The following ANKS1B variants were observed in gnomAD, a reference collection of about 807,000 sequenced individuals.
The protein encoded by ANKS1B is ankyrin repeat and sterile alpha motif domain-containing protein 1B.
ANKS1B carries 36 observed loss-of-function variants against 148.3 expected under a neutral mutation model. The observed-to-expected ratio is 0.24, with a 90% CI of 0.19 to 0.32. The LOEUF (loss-of-function observed/expected upper bound fraction) is 0.32, where lower values mean the gene tolerates loss of function less well. ANKS1B is among the 10% of genes least tolerant of loss of function. ANKS1B has a pLI of 1.00. For missense variants in ANKS1B, 1,157 were observed against 1,542.6 expected (o/e 0.75, Z 4.19); for synonymous variants, 542 against 560.8 (o/e 0.97, Z 0.47).
chr12:99,615,086 T>C (rs1236522385), intron 9 of ANKS1B, among the ~76,000 whole-genome samples: 1 of 152,140 alleles, frequency 6.6e-6, no homozygotes, highest in Non-Finnish European at 1.5e-5. Flanking sequence ...TGGGAAATTT[T>C]GAAAAATGCT....
chr12:99,724,115 T>A (rs2058382389), intron 8 of ANKS1B, among the ~76,000 whole-genome samples: 1 of 151,122 alleles, frequency 6.6e-6, no homozygotes, highest in Non-Finnish European at 1.5e-5. Flanking sequence ...ATGATTGCAA[T>A]GCCGCTCCAG....
chr12:99,259,866 C>G (rs771717994), intron 12 of ANKS1B, among the ~76,000 whole-genome samples: 2 of 152,114 alleles, frequency 1.3e-5, no homozygotes, highest in Non-Finnish European at 1.5e-5. Context: ...CTCTGCCTCC[C>G]TAGGGAGTTA....
intron 12 of ANKS1B, among the ~76,000 whole-genome samples, chr12:99,346,110 T>C (rs946926862): frequency 3.3e-5 from 5 of 152,014 alleles, no homozygotes; most frequent in Non-Finnish European, 7.4e-5. Flanking sequence ...CCTCCAAAGA[T>C]ATCCAATTTA....
intron 17 of ANKS1B, among the ~76,000 whole-genome samples, chr12:98,957,788 G>C (rs1207112383): frequency 6.6e-6 from 1 of 152,070 alleles, no homozygotes; most frequent in Non-Finnish European, 1.5e-5. Context: ...GTAGCTTGTG[G>C]GGGACTGATA....
chr12:99,889,437 T>G (rs1255639804), intron 1 of ANKS1B, among the ~76,000 whole-genome samples: 1 of 152,198 alleles, frequency 6.6e-6, no homozygotes, highest in East Asian at 1.9e-4. Context: ...GCATCTTTTT[T>G]TGCATATATG....
At chr12:99,896,131 G>C (rs78291034) in intron 1 of ANKS1B, among the ~76,000 whole-genome samples, 1 of 151,062 alleles carries the variant, frequency 6.6e-6, no homozygotes, top group African/African-American at 2.4e-5. Context: ...CACATTTCCA[G>C]TATACAATAT....
At chr12:99,353,335 T>C (rs530967515) in intron 12 of ANKS1B, among the ~76,000 whole-genome samples, 55 of 152,142 alleles carry the variant, frequency 3.6e-4, no homozygotes, top group African/African-American at 1.2e-3. Flanking sequence ...ATGTGTGTGT[T>C]GTCTGTAAAA....
chr12:99,853,672 A>G (rs1460028355), intron 1 of ANKS1B, among the ~76,000 whole-genome samples: 1 of 152,026 alleles, frequency 6.6e-6, no homozygotes, highest in East Asian at 1.9e-4. Context: ...GTTCTTTAAC[A>G]CCCCCAAAAG....
At chr12:98,824,222 T>C (rs2099227220) in intron 19 of ANKS1B, among the ~76,000 whole-genome samples, 1 of 152,242 alleles carries the variant, frequency 6.6e-6, no homozygotes, top group South Asian at 2.1e-4. Context: ...GACATCATTC[T>C]ACCCAGATCC....
Position 99,164,465 on chromosome 12 carries a change from T to C in ANKS1B, c.2420-10070A>G, listed in dbSNP as rs181102587. ...ATTTTTGGTACTCTGGTAACATTCT[T>C]ATTCATTCTATTTTTCTCTTTTTAA... is the stretch of plus-strand genomic sequence containing the variant. On this transcript the variant is annotated intron_variant, in intron 14 of 26. Transcript: ENST00000683438. 3.4e-3 allele frequency among the ~76,000 whole-genome samples: 516 copies of C among 152,184 alleles called. 2 individuals carry two copies. Among genetic ancestry groups the C allele is most frequent in the African/African-American group, 0.012 (483 of 41,560 alleles).
chr12:99,608,098 C>T (rs948570639), intron 9 of ANKS1B, among the ~76,000 whole-genome samples: 1 of 152,076 alleles, frequency 6.6e-6, no homozygotes, highest in Non-Finnish European at 1.5e-5. Context: ...AAGAGGACAA[C>T]ATCCCATAGT....
intron 9 of ANKS1B, among the ~76,000 whole-genome samples, chr12:99,610,847 C>G (rs1477171820): frequency 6.6e-6 from 1 of 151,940 alleles, no homozygotes; most frequent in Non-Finnish European, 1.5e-5. Context: ...TTGAGGAAGT[C>G]AAGAATATTT....
intron 10 of ANKS1B, among the ~76,000 whole-genome samples, chr12:99,475,589 T>C (rs935745390): frequency 6.6e-6 from 1 of 151,792 alleles, no homozygotes; most frequent in East Asian, 1.9e-4. Context: ...TAAAATTAAA[T>C]TCCATTTTTT....
chr12:99,548,516 C>A (rs2097190791), intron 9 of ANKS1B, among the ~76,000 whole-genome samples: 1 of 152,084 alleles, frequency 6.6e-6, no homozygotes, highest in Non-Finnish European at 1.5e-5. Context: ...CCTTTTGCAT[C>A]TGACAAATAT....
In ANKS1B at chr12:98,846,625, ACT is replaced by A. The variant is rs760382027; in HGVS notation, c.2779-14491_2779-14490del. ...GGATGCTTTGAGGGCCAGAACACAC[ACT>A]CTGCAATAAAGCAGGTCACTTCCTT... On this transcript the variant is annotated intron_variant, in intron 17 of 26. Transcript: ENST00000683438. 2.6e-4 allele frequency among the ~76,000 whole-genome samples: 39 copies of A among 152,294 alleles called. 1 individual carries two copies. Among genetic ancestry groups the A allele is most frequent in the Admixed American group, 1.5e-3 (23 of 15,296 alleles).
chr12:99,287,285 T>C (rs1374845040), intron 12 of ANKS1B, among the ~76,000 whole-genome samples: 1 of 152,088 alleles, frequency 6.6e-6, no homozygotes, highest in Non-Finnish European at 1.5e-5. Context: ...TTCCCCTGGA[T>C]CTCACCTAAG....
At chr12:99,199,162 T>A (rs1258513838) in intron 14 of ANKS1B, among the ~76,000 whole-genome samples, 1 of 152,194 alleles carries the variant, frequency 6.6e-6, no homozygotes, top group Admixed American at 6.5e-5. Flanking sequence ...ATAAGAGACC[T>A]TGAACAATAA....
chr12:98,882,538 T>A (rs1414384094), intron 17 of ANKS1B, among the ~76,000 whole-genome samples: 1 of 152,146 alleles, frequency 6.6e-6, no homozygotes, highest in East Asian at 1.9e-4. Flanking sequence ...AACTGCTTTT[T>A]AAAAAGACAA....
At chr12:99,354,910 G>A (rs2091829951) in intron 12 of ANKS1B, among the ~76,000 whole-genome samples, 1 of 151,978 alleles carries the variant, frequency 6.6e-6, no homozygotes, top group South Asian at 2.1e-4. Flanking sequence ...AACGGTGTTT[G>A]TACCTTCCAC....
Sources: gnomAD v4.1 joint callset for allele counts (sites outside exome capture counted in the v4.1 genomes callset) on GRCh38, gnomAD v4.1.1 for gene constraint, MANE v1.5 for transcripts, NCBI Gene and HGNC (gene_info 2026-07-23, HGNC 2026-07-21) for gene names.